Variants in NRG3 observed in about 807,000 individuals in gnomAD.
NRG3 encodes the protein pro-neuregulin-3, membrane-bound isoform.
NRG3 carries 31 observed loss-of-function variants against 66.9 expected under a neutral mutation model. The observed-to-expected ratio is 0.46, with a 90% confidence interval of 0.35 to 0.63. The LOEUF (loss-of-function observed/expected upper bound fraction) is 0.63. NRG3 is among the 20% of genes least tolerant of loss of function. The pLI is 0.00. For missense variants in NRG3, 910 were observed against 878.9 expected (o/e 1.04, Z -0.45); for synonymous variants, 393 against 359.4 (o/e 1.09, Z -1.06).
At chr10:82,341,358 T>A in intron 1 of NRG3, among the ~76,000 whole-genome samples, 1 of 152,010 alleles carries the variant, frequency 6.6e-6, no homozygotes, top group Non-Finnish European at 1.5e-5. Flanking sequence ...GAGTTGGGCT[T>A]TTTTGACTTT....
intron 1 of NRG3, among the ~76,000 whole-genome samples, chr10:82,263,169 G>A (rs1401373210): frequency 2.6e-5 from 4 of 152,176 alleles, no homozygotes; most frequent in African/African-American, 9.7e-5. Flanking sequence ...TTTTGCAGTA[G>A]CAGTAACAGG....
intron 2 of NRG3, among the ~76,000 whole-genome samples, chr10:82,369,124 G>A (rs2084724187): frequency 7.5e-6 from 1 of 133,502 alleles, no homozygotes; most frequent in Non-Finnish European, 1.5e-5. Flanking sequence ...ATGGCTTAAG[G>A]GCCAAATCAC....
At chr10:82,773,704 T>C (rs2059797198) in intron 3 of NRG3, among the ~76,000 whole-genome samples, 2 of 152,172 alleles carry the variant, frequency 1.3e-5, no homozygotes, top group Admixed American at 6.6e-5. Context: ...ATTAATTTTC[T>C]TATCTTATAT....
At chr10:82,853,062 A>G (rs565320865) in intron 3 of NRG3, among the ~76,000 whole-genome samples, 1 of 152,316 alleles carries the variant, frequency 6.6e-6, no homozygotes, top group Non-Finnish European at 1.5e-5. Context: ...GCAGGATTTT[A>G]CCTTCCTCCA....
intron 1 of NRG3, among the ~76,000 whole-genome samples, chr10:82,329,154 G>T (rs1464570531): frequency 6.6e-6 from 1 of 152,182 alleles, no homozygotes; most frequent in Non-Finnish European, 1.5e-5. Context: ...CTTGTACTGA[G>T]ATATTTTTAG....
intron 2 of NRG3, among the ~76,000 whole-genome samples, chr10:82,360,610 T>C (rs1045569525): frequency 6.6e-6 from 1 of 152,224 alleles, no homozygotes; most frequent in Non-Finnish European, 1.5e-5. Flanking sequence ...GGCTATGCTG[T>C]ATTCTTCATT....
intron 3 of NRG3, among the ~76,000 whole-genome samples, chr10:82,829,503 A>G (rs2135656953): frequency 6.6e-6 from 1 of 152,334 alleles, no homozygotes; most frequent in East Asian, 1.9e-4. Flanking sequence ...GCTGAGGCAT[A>G]GTAAACTATG....
intron 4 of NRG3, among the ~76,000 whole-genome samples, chr10:82,887,204 T>G (rs1160431384): frequency 1.3e-5 from 2 of 152,148 alleles, no homozygotes; most frequent in Non-Finnish European, 2.9e-5. Context: ...GCTCAGAGAT[T>G]AGGATAGAGC....
intron 1 of NRG3, among the ~76,000 whole-genome samples, chr10:82,014,277 T>G (rs2061696657): frequency 6.6e-6 from 1 of 152,178 alleles, no homozygotes; most frequent in African/African-American, 2.4e-5. Context: ...TCCTCAACAT[T>G]TCTGTGATAG....
intron 2 of NRG3, among the ~76,000 whole-genome samples, chr10:82,610,247 G>A (rs969828083): frequency 1.1e-4 from 17 of 152,100 alleles, no homozygotes; most frequent in African/African-American, 4.1e-4. Flanking sequence ...GACTTGATTG[G>A]GACAAGCTGG....
chr10:82,144,060 GA>G (rs1049149241), intron 1 of NRG3, among the ~76,000 whole-genome samples: 4 of 146,892 alleles, frequency 2.7e-5, no homozygotes, highest in African/African-American at 7.5e-5. Context: ...AAAAAAAAAA[GA>G]AAAAAAAGAA....
chr10:82,524,598 C>T (rs558154364), intron 2 of NRG3, among the ~76,000 whole-genome samples: 1 of 151,916 alleles, frequency 6.6e-6, no homozygotes, highest in East Asian at 1.9e-4. Context: ...TATATAATCA[C>T]TTTTAGGTTA....
chr10:82,616,880 C>T (rs2048687444), intron 2 of NRG3, among the ~76,000 whole-genome samples: 1 of 152,152 alleles, frequency 6.6e-6, no homozygotes, highest in African/African-American at 2.4e-5. Flanking sequence ...TTAAATAGAT[C>T]ATTTTTCTCA....
At chr10:82,780,461 CTCTTTTTTTTTTTCTTT>C (rs1591501267) in intron 3 of NRG3, among the ~76,000 whole-genome samples, 2 of 146,770 alleles carry the variant, frequency 1.4e-5, no homozygotes, top group Non-Finnish European at 3.0e-5. Context: ...AGCATTGCGC[CTCTTTTTTTTTTTCTTT>C]TCTTTTTTTT....
intron 2 of NRG3, among the ~76,000 whole-genome samples, chr10:82,434,509 G>A (rs1230052185): frequency 6.6e-6 from 1 of 152,114 alleles, no homozygotes; most frequent in African/African-American, 2.4e-5. Flanking sequence ...GTGAGACTGG[G>A]CATCCTTGTC....
intron 1 of NRG3, among the ~76,000 whole-genome samples, chr10:82,277,134 A>T (rs1006760528): frequency 1.3e-5 from 2 of 152,024 alleles, no homozygotes; most frequent in Non-Finnish European, 2.9e-5. Flanking sequence ...GGTCATTACT[A>T]GACATTTTCA....
At chr10:82,377,801 G>C (rs945296991) in intron 2 of NRG3, among the ~76,000 whole-genome samples, 1 of 152,170 alleles carries the variant, frequency 6.6e-6, no homozygotes, top group Admixed American at 6.5e-5. Flanking sequence ...AGGGTGTGTC[G>C]TATAATCCTG....
At chr10:82,948,989 C>G (rs1191984206) in intron 4 of NRG3, among the ~76,000 whole-genome samples, 1 of 151,908 alleles carries the variant, frequency 6.6e-6, no homozygotes, top group Admixed American at 6.6e-5. Context: ...TATTCCTGAT[C>G]TTAGGGAAAA....
intron 1 of NRG3, among the ~76,000 whole-genome samples, chr10:82,246,789 C>T (rs1357288215): frequency 2.6e-5 from 4 of 151,922 alleles, no homozygotes; most frequent in Non-Finnish European, 2.9e-5. Flanking sequence ...GAGAGTAAGG[C>T]GTTCAGAGTC....
Sources: gnomAD v4.1 joint callset for allele counts (sites outside exome capture counted in the v4.1 genomes callset) on GRCh38, gnomAD v4.1.1 for gene constraint, MANE v1.5 for transcripts, NCBI Gene and HGNC (gene_info 2026-07-23, HGNC 2026-07-21) for gene names.